Variants in AKR1C3 observed in about 807,000 individuals in gnomAD.
The protein encoded by AKR1C3 is 3-alpha hydroxysteroid dehydrogenase, type II.
Under a neutral mutation model 43.6 loss-of-function variants are expected in AKR1C3, and 48 were observed. The ratio of observed to expected loss-of-function variants is 1.10; its 90% CI spans 0.87 to 1.40. AKR1C3 has a LOEUF of 1.40. AKR1C3 is among the 40% of genes most tolerant of loss of function. The pLI is 0.00. For synonymous variants in AKR1C3, 162 were observed against 139.6 expected (o/e 1.16, Z -1.13); for missense variants, 482 against 391.2 (o/e 1.23, Z -1.96).
chr10:5,087,650 G>C (rs1839000212), intron 1 of AKR1C3, among the ~76,000 whole-genome samples: 1 of 152,006 alleles, frequency 6.6e-6, no homozygotes, highest in Non-Finnish European at 1.5e-5. Flanking sequence ...TGGGATTACA[G>C]ACGTAAGCCA....
At chr10:5,104,150 G>A (rs1466806614) in intron 7 of AKR1C3, among the ~76,000 whole-genome samples, 2 of 152,196 alleles carry the variant, frequency 1.3e-5, no homozygotes, top group East Asian at 3.9e-4. Context: ...CCTCTTTCCT[G>A]TGGTTGATGA....
chr10:5,097,837 G>A, intron 3 of AKR1C3: 1 of 1,168,388 alleles, frequency 8.6e-7, no homozygotes, highest in East Asian at 6.4e-5. Flanking sequence ...TGGCTTTTGA[G>A]TCCATCTCTT....
At chr10:5,102,771 G>A (rs996923881) in intron 7 of AKR1C3, 121 bp downstream of exon 7, 38 of 1,502,880 alleles carry the variant, frequency 2.5e-5, no homozygotes, top group Non-Finnish European at 3.3e-5. Context: ...CCATATGAAT[G>A]CTTTGCGTGC....
In AKR1C3 at chr10:5,087,519, C is replaced by T. The variant is rs184409420; in HGVS notation, c.85-8891C>T. ...TTCCAAGTAGCTGAGATTACAGGCA[C>T]ACACCACCATGCCTGGCTACTGTTT... On this transcript the variant is annotated intron_variant, in intron 1 of 8. Transcript: ENST00000439082. Among the ~76,000 whole-genome samples the T allele has an allele frequency of 2.0e-3, 305 of 151,774 alleles. 1 individual carries two copies. Among genetic ancestry groups the T allele is most frequent in the Non-Finnish European group, 3.5e-4 (24 of 67,920 alleles).
intron 1 of AKR1C3, among the ~76,000 whole-genome samples, chr10:5,065,427 C>G (rs1278288541): frequency 6.6e-6 from 1 of 152,100 alleles, no homozygotes; most frequent in Non-Finnish European, 1.5e-5. Context: ...ACATTTTAAC[C>G]TCCAAGATGA....
At chr10:5,100,664 A>G (rs928050625) in intron 5 of AKR1C3, among the ~76,000 whole-genome samples, 4 of 152,252 alleles carry the variant, frequency 2.6e-5, no homozygotes, top group African/African-American at 9.6e-5. Flanking sequence ...AAGATCTACC[A>G]TTGAAATGTG....
upstream of AKR1C3, among the ~76,000 whole-genome samples, chr10:5,093,120 C>T (rs1299969355): frequency 2.0e-5 from 3 of 151,980 alleles, no homozygotes; most frequent in Non-Finnish European, 4.4e-5. Flanking sequence ...ATTCACACCC[C>T]AGCTTCCCCT....
intron 1 of AKR1C3, among the ~76,000 whole-genome samples, chr10:5,087,356 T>C (rs1473231089): frequency 3.3e-5 from 5 of 149,320 alleles, no homozygotes; most frequent in African/African-American, 5.0e-5. Context: ...ATATCAGTTT[T>C]AATGTCACCT....
At chr10:5,106,900 G>C in intron 8 of AKR1C3, among the ~76,000 whole-genome samples, 1 of 100,444 alleles carries the variant, frequency 1.0e-5, no homozygotes, top group South Asian at 3.2e-4. Flanking sequence ...TATTTTTTTA[G>C]TTTCAAGGAA....
chr10:5,057,320 G>A (rs1055240584), intron 1 of AKR1C3, among the ~76,000 whole-genome samples: 1 of 152,310 alleles, frequency 6.6e-6, no homozygotes, highest in East Asian at 1.9e-4. Flanking sequence ...GACTAAGGCT[G>A]CAGCCTTTCT....
intron 1 of AKR1C3, among the ~76,000 whole-genome samples, chr10:5,064,927 A>AAG (rs1236973040): frequency 5.9e-5 from 9 of 151,444 alleles, no homozygotes; most frequent in Admixed American, 4.6e-4. Flanking sequence ...TAAGCAAAAA[A>AAG]AAAAAATTAA....
At chr10:5,052,454 C>T (rs117756965) in intron 1 of AKR1C3, among the ~76,000 whole-genome samples, 526 of 152,296 alleles carry the variant, frequency 3.5e-3, no homozygotes, top group Non-Finnish European at 6.1e-3. Flanking sequence ...GCTGATTGTT[C>T]CATTGTACAG....
chr10:5,102,945 G>T (rs1252696062), intron 7 of AKR1C3, among the ~76,000 whole-genome samples: 5 of 135,518 alleles, frequency 3.7e-5, no homozygotes, highest in South Asian at 2.2e-4. Flanking sequence ...GTTTGGTTTT[G>T]GTTTTTTTTT....
chr10:5,083,653 A>G (rs1838887467), intron 1 of AKR1C3, among the ~76,000 whole-genome samples: 1 of 152,182 alleles, frequency 6.6e-6, no homozygotes, highest in Admixed American at 6.5e-5. Context: ...CAATCGCCAC[A>G]CTGACTTCCA....
chr10:5,103,715 T>A (rs1554786520), intron 7 of AKR1C3, among the ~76,000 whole-genome samples: 1 of 152,146 alleles, frequency 6.6e-6, no homozygotes, highest in African/African-American at 2.4e-5. Flanking sequence ...CCTTTTCATG[T>A]CTAGGCTCAG....
At chr10:5,099,574 C>A in intron 5 of AKR1C3, 125 bp downstream of exon 5, 2 of 1,504,006 alleles carry the variant, frequency 1.3e-6, no homozygotes, top group Non-Finnish European at 1.8e-6. Flanking sequence ...GAGAGCAAAG[C>A]TTCTGTCAAG....
chr10:5,070,165 G>T (rs1360498812), intron 1 of AKR1C3, among the ~76,000 whole-genome samples: 2 of 152,206 alleles, frequency 1.3e-5, no homozygotes, highest in African/African-American at 2.4e-5. Flanking sequence ...TTTAGGCACT[G>T]CCCACCAAGG....
rs537837210 is a variant in AKR1C3, at chr10:5,070,080, T to A, written c.84+21185T>A. 2.2e-4 allele frequency among the ~76,000 whole-genome samples: 34 copies of A among 152,350 alleles called. No homozygotes were observed. In the South Asian group the frequency reaches 2.5e-3, roughly 11 times the overall value. On this transcript the variant is annotated intron_variant, in intron 1 of 8. Coordinates refer to the AKR1C3 transcript ENST00000439082. ...CAGGTCCCTTAAGCAAACTGGTTGG[T>A]GACGGTTAGGTGCCTTCACATGGAC...
At chr10:5,074,563 C>T (rs1318901941) in intron 1 of AKR1C3, among the ~76,000 whole-genome samples, 3 of 152,198 alleles carry the variant, frequency 2.0e-5, no homozygotes, top group Non-Finnish European at 4.4e-5. Context: ...CATCTCTTCT[C>T]TTAAGTGCTG....
Sources: allele counts gnomAD v4.1 joint callset (sites outside exome capture counted in the v4.1 genomes callset), GRCh38; gene constraint gnomAD v4.1.1; transcripts MANE v1.5; gene names NCBI Gene and HGNC (gene_info 2026-07-23, HGNC 2026-07-21).